The following ANKZF1 variants were observed in gnomAD, a reference collection of about 807,000 sequenced individuals.
ANKZF1 encodes ankyrin repeat and zinc finger peptidyl tRNA hydrolase 1, also known as tRNA endonuclease ANKZF1.
ANKZF1 carries 84 observed loss-of-function variants against 86.0 expected under a neutral mutation model. The ratio of observed to expected loss-of-function variants is 0.98; its 90% confidence interval spans 0.82 to 1.17. The LOEUF (loss-of-function observed/expected upper bound fraction) is 1.17. Among genes scored for constraint, ANKZF1 ranks in the 50% most tolerant of loss-of-function variants. ANKZF1 has a pLI of 0.00. For synonymous variants in ANKZF1, 331 were observed against 354.2 expected (o/e 0.93, Z 0.74); for missense variants, 893 against 918.4 (o/e 0.97, Z 0.36).
At chr2:219,230,149 A>C in intron 1 of ANKZF1, 79 bp from the exon 2 acceptor site, 1 of 1,329,412 alleles carries the variant, frequency 7.5e-7, no homozygotes, top group African/African-American at 1.5e-5. Context: ...TGCAGGAGAA[A>C]CCAAGTCAGG....
rs1002446579 is a variant in ANKZF1 at position 219,230,273 on chromosome 2, G to C, written c.16G>C (p.Asp6His). The change falls in exon 2 of 14, where the codon GAT becomes CAT. Residue 6 changes from aspartate (D) to histidine (H), a missense_variant. Asp to His is a moderately conservative substitution (Grantham distance 81). Transcript: ENST00000323348. ...CTGCTCAGCCATGTCGCCGGCTCCA[G>C]ATGCAGCCCCGGCTCCTGCGTCGAT... MSPAP[D>H]AAPAPASISL... The C allele has an allele frequency of 6.2e-7, 1 of 1,613,494 alleles. No individual in the cohort carries two copies. Among genetic ancestry groups the C allele is most frequent in the African/African-American group, 1.3e-5 (1 of 74,930 alleles).
chr2:219,234,693 C>G, intron 9 of ANKZF1, 133 bp from the exon 10 acceptor site: 1 of 1,209,726 alleles, frequency 8.3e-7, no homozygotes, highest in South Asian at 1.5e-5. Context: ...ATAATGGACT[C>G]AGCTCTTGAT....
intron 5 of ANKZF1, 187 bp downstream of exon 5, chr2:219,232,870 G>A (rs1951084261): frequency 1.2e-6 from 1 of 846,948 alleles, no homozygotes; most frequent in African/African-American, 1.7e-5. Context: ...ATGGAATTAA[G>A]TTTGGAAACA....
At chr2:219,230,110 A>G (rs1485578857) in intron 1 of ANKZF1, 118 bp from the exon 2 acceptor site, 16 of 778,404 alleles carry the variant, frequency 2.1e-5, no homozygotes, top group Non-Finnish European at 3.2e-5. Context: ...CACAGTTGGT[A>G]GCAGGATGAG....
Position 219,232,251 on chromosome 2 carries a change from T to C in ANKZF1, c.262-9T>C, listed in dbSNP as rs1156404765. 6.2e-7 allele frequency: 1 copy of C among 1,613,210 alleles called. No homozygotes were observed. Among genetic ancestry groups the C allele is most frequent in the South Asian group, 1.1e-5 (1 of 91,056 alleles). On this transcript the variant is annotated splice_polypyrimidine_tract_variant and intron_variant, in intron 3 of 13. Coordinates refer to ENST00000323348, the MANE Select transcript of ANKZF1 (RefSeq NM_018089.3). ...TCCACCTTTATCTCACTCTTTGTCTTTGTACTAGAGGGAACATTATAAGCT... is the reference window on the plus strand; with the variant it reads ...TCCACCTTTATCTCACTCTTTGTCTCTGTACTAGAGGGAACATTATAAGCT...
At position 219,232,267 on chromosome 2, in the gene ANKZF1, A is replaced by G. The variant is rs1951063720; in HGVS notation, c.269A>G (p.His90Arg). ...TFQNHQEQRE[H>R]YKLDWHRFNL... ...TCTTTGTCTTTGTACTAGAGGGAAC[A>G]TTATAAGCTTGACTGGCATCGGTTT... The change falls in exon 4 of 14, where the codon CAT becomes CGT. Residue 90 changes from histidine (H) to arginine (R), a missense_variant. Physicochemically the swap from His to Arg is conservative, Grantham distance 29 (BLOSUM62 0). Transcript: ENST00000323348. 7 of 1,614,056 alleles carry G rather than the reference A, an allele frequency of 4.3e-6. No homozygotes were observed. Among genetic ancestry groups the G allele is most frequent in the Non-Finnish European group, 5.9e-6 (7 of 1,179,998 alleles).
chr2:219,236,301 A>G (rs1360853203), intron 13 of ANKZF1, 21 bp from the exon 14 acceptor site: 2 of 1,613,688 alleles, frequency 1.2e-6, no homozygotes, highest in East Asian at 2.2e-5. Flanking sequence ...CTGTCCAGCC[A>G]TTTTTCTTCC....
rs539759074 is a variant in ANKZF1 at position 219,235,076 on chromosome 2, G to A, written c.1455G>A (p.Glu485=). Reference sequence around the variant, plus strand: ...CCCCCTTGGGCCCTTTGCTGGATGAGGCCAAAGCCCCTGGTCAGCCAGAGC... The same window carrying A: ...CCCCCTTGGGCCCTTTGCTGGATGAAGCCAAAGCCCCTGGTCAGCCAGAGC... The part of the protein sequence containing the change: ...VAAPLGPLLD[E]AKAPGQPELW... Residue 485 remains glutamate (E), a synonymous_variant, in exon 10 of 14, where the codon GAG becomes GAA. Coordinates refer to ENST00000323348, the MANE Select transcript of ANKZF1 (RefSeq NM_018089.3). The A allele has an allele frequency of 3.0e-5, 49 of 1,614,194 alleles. No homozygotes were observed. The African/African-American group carries it at 5.2e-4, about 17-fold the overall frequency.
At position 219,234,297 on chromosome 2, in the gene ANKZF1, A is replaced by ACTATCTGG; in HGVS notation, c.1204+11_1204+18dup. ...GGAATCTCCCAAACAGGGTTTGATTACTATCTGGCAACTGTCAGATCTGAG... is the reference window on the plus strand; with the variant it reads ...GGAATCTCCCAAACAGGGTTTGATTACTATCTGGCTATCTGGCAACTGTCAGATCTGAG... On this transcript the variant is annotated intron_variant, in intron 9 of 13. Transcript: ENST00000323348. 1 of 1,613,856 alleles carries ACTATCTGG rather than the reference A, an allele frequency of 6.2e-7. No individual in the cohort carries two copies.
chr2:219,231,740 A>G (rs1951043504), intron 2 of ANKZF1, 188 bp from the exon 3 acceptor site: 1 of 551,042 alleles, frequency 1.8e-6, no homozygotes, highest in Non-Finnish European at 3.2e-6. Context: ...TTTCAGAAGC[A>G]TGTTTATTGC....
chr2:219,233,908 G>T lies in ANKZF1; in HGVS notation c.1013G>T (p.Arg338Leu). Residue 338 changes from arginine to leucine, a missense_variant, in exon 8 of 14, where the codon CGT (arginine) becomes CTT (leucine). Arg to Leu is a moderately radical substitution (Grantham distance 102). Transcript: ENST00000323348. ...AGACCCACCTTCCAAGAGCTACAGCGTGTGCTCCATAAGCTGACCACTTTG... is the reference window on the plus strand; with the variant it reads ...AGACCCACCTTCCAAGAGCTACAGCTTGTGCTCCATAAGCTGACCACTTTG... The part of the protein sequence containing the change: ...TRRPTFQELQ[R>L]VLHKLTTLHV... 4 of 1,602,234 alleles carry T rather than the reference G, an allele frequency of 2.5e-6. No homozygotes were observed. The highest frequency in any genetic ancestry group is 4.5e-5 in the East Asian group (2 of 44,832).
chr2:219,230,384 G>T lies in ANKZF1; in HGVS notation c.127G>T (p.Ala43Ser), dbSNP rs1253823617. ...SHAPGEALAR[A>S]PRTSCSGSGE... is the part of the protein sequence containing the mutation. Reference sequence around the variant, plus strand: ...CGCGCCTGGGGAGGCTCTGGCCCGGGCTCCGCGTACTTCCTGTTCAGGTAT... The same window carrying T: ...CGCGCCTGGGGAGGCTCTGGCCCGGTCTCCGCGTACTTCCTGTTCAGGTAT... The change falls in exon 2 of 14, where the codon GCT becomes TCT. Residue 43 changes from alanine to serine, a missense_variant. By Grantham distance (99) the Ala-to-Ser change is moderately conservative. Coordinates refer to ENST00000323348, the MANE Select transcript of ANKZF1 (RefSeq NM_018089.3). 1 of 1,611,330 alleles carries T rather than the reference G, an allele frequency of 6.2e-7. No individual in the cohort carries two copies. The highest frequency in any genetic ancestry group is 1.3e-5 in the African/African-American group (1 of 74,860).
rs775439685 is a variant in ANKZF1 at position 219,235,593 on chromosome 2, G to A, written c.1803+8G>A. 9.9e-6 allele frequency: 16 copies of A among 1,613,786 alleles called. No individual in the cohort carries two copies. The highest frequency in any genetic ancestry group is 1.3e-5 in the African/African-American group (1 of 74,878). On this transcript the variant is annotated splice_region_variant and intron_variant, in intron 11 of 13. Transcript: ENST00000323348. ...GATTACAACAAGGCTCAGGTCATCT[G>A]GAATAGGAAGGACAAGCAGAGTGGG...
In ANKZF1 at chr2:219,236,305, T is replaced by C; in HGVS notation, c.2058-17T>C. 6.2e-7 allele frequency: 1 copy of C among 1,613,916 alleles called. No individual in the cohort carries two copies. On this transcript the variant is annotated splice_polypyrimidine_tract_variant and intron_variant, in intron 13 of 13. Coordinates refer to ENST00000323348, the MANE Select transcript of ANKZF1 (RefSeq NM_018089.3). ...TTCTGGGGTACCTGTCCAGCCATTT[T>C]TCTTCCTCTTGTTCAGACGCTGCTG...
chr2:219,235,880 G>A lies in ANKZF1; in HGVS notation c.1971+5G>A. 5.6e-6 allele frequency: 9 copies of A among 1,614,122 alleles called. No homozygotes were observed. Among genetic ancestry groups the A allele is most frequent in the Non-Finnish European group, 7.6e-6 (9 of 1,179,962 alleles). ...GCCCTCAGTGACCGAGAGAAGGTGA[G>A]GCTGGAGGTTCTCTTGTCCATGGCA... is the stretch of plus-strand genomic sequence containing the variant. On this transcript the variant is annotated splice_donor_5th_base_variant and intron_variant, in intron 12 of 13. Coordinates refer to ENST00000323348, the MANE Select transcript of ANKZF1 (RefSeq NM_018089.3).
chr2:219,230,593 C>T lies in ANKZF1; in HGVS notation c.148+188C>T, dbSNP rs535597144. The T allele has an allele frequency of 9.5e-5, 64 of 672,208 alleles. No homozygotes were observed. The African/African-American group carries it at 1.1e-3, about 12-fold the overall frequency. The allele number at this position is 672,208 out of a possible 1,614,324, so 41.6% of individuals were successfully genotyped here. On this transcript the variant is annotated intron_variant, in intron 2 of 13. Coordinates refer to ENST00000323348, the MANE Select transcript of ANKZF1 (RefSeq NM_018089.3). ...CTTGTTTTCAAACAAGTCTTTTTGCCATTGCATGTATCTCCTCACGTTAAC... is the reference window on the plus strand; with the variant it reads ...CTTGTTTTCAAACAAGTCTTTTTGCTATTGCATGTATCTCCTCACGTTAAC...
At position 219,233,134 on chromosome 2, in the gene ANKZF1, G is replaced by T. The variant is rs1234506721; in HGVS notation, c.614G>T (p.Arg205Ile). Residue 205 changes from arginine to isoleucine, a missense_variant, in exon 6 of 14, where the codon AGA (arginine) becomes ATA (isoleucine). Physicochemically the swap from Arg to Ile is moderately conservative, Grantham distance 97. Coordinates refer to ENST00000323348, the MANE Select transcript of ANKZF1 (RefSeq NM_018089.3). Reference sequence around the variant, plus strand: ...CAGAACCTGCAAAGTAGAGGTCCCAGAGACTGCGTGGTGCTCATGGCTGCA... The same window carrying T: ...CAGAACCTGCAAAGTAGAGGTCCCATAGACTGCGTGGTGCTCATGGCTGCA... ...LLQNLQSRGPRDCVVLMAAAG... is the reference protein window; with the variant it reads ...LLQNLQSRGPIDCVVLMAAAG... 3 of 1,614,104 alleles carry T rather than the reference G, an allele frequency of 1.9e-6. No individual in the cohort carries two copies. The highest frequency in any genetic ancestry group is 2.5e-6 in the Non-Finnish European group (3 of 1,180,058).
rs891989264 is a variant in ANKZF1 at position 219,231,624 on chromosome 2, G to C, written c.149-304G>C. On this transcript the variant is annotated intron_variant, in intron 2 of 13. Coordinates refer to ENST00000323348, the MANE Select transcript of ANKZF1 (RefSeq NM_018089.3). ...TTAGCCAGGATGGTCTTGATCTCCT[G>C]ACTTCATGATCCGTCTGCCTTGGCC... The C allele has an allele frequency of 3.3e-5, 10 of 301,390 alleles. No individual in the cohort carries two copies. The Admixed American group carries it at 3.4e-4, about 10-fold the overall frequency. 18.7% of individuals were successfully genotyped at this position (301,390 alleles called of 1,614,324 possible). A position where few individuals can be genotyped will look rare whatever the true frequency, so the allele number is the denominator to read the frequency against.
At chr2:219,234,410 T>A (rs777782911) in intron 9 of ANKZF1, 122 bp downstream of exon 9, 3 of 1,217,662 alleles carry the variant, frequency 2.5e-6, no homozygotes. Flanking sequence ...GTGTCTATCT[T>A]AGCAATTACT....
Sources: gnomAD v4.1 joint callset for allele counts on GRCh38, gnomAD v4.1.1 for gene constraint, MANE v1.5 for transcripts, NCBI Gene and HGNC (gene_info 2026-07-23, HGNC 2026-07-21) for gene names.